DNAJC5B: variants seen among roughly 807,000 people sequenced by gnomAD.
The protein encoded by DNAJC5B is DnaJ heat shock protein family (Hsp40) member C5 beta, also known as dnaJ homolog subfamily C member 5B.
DNAJC5B carries 23 observed loss-of-function variants against 24.7 expected under a neutral mutation model. The ratio of observed to expected loss-of-function variants is 0.93; its 90% CI spans 0.67 to 1.32. The LOEUF (loss-of-function observed/expected upper bound fraction) is 1.32. DNAJC5B is among the 40% of genes most tolerant of loss of function. The pLI, the probability that DNAJC5B is intolerant of heterozygous loss-of-function variation, is 0.00. For missense variants in DNAJC5B, 238 were observed against 240.8 expected (o/e 0.99, Z 0.08); for synonymous variants, 101 against 90.1 (o/e 1.12, Z -0.68).
chr8:66,030,774 T>C (rs562042734), intron 1 of DNAJC5B, among the ~76,000 whole-genome samples: 2 of 152,284 alleles, frequency 1.3e-5, no homozygotes, highest in African/African-American at 4.8e-5. Context: ...GTAGCTGAGA[T>C]TACAGGTGCC....
intron 3 of DNAJC5B, among the ~76,000 whole-genome samples, chr8:66,059,182 T>G (rs1226149581): frequency 3.3e-5 from 5 of 152,232 alleles, no homozygotes; most frequent in African/African-American, 1.2e-4. Context: ...AGTCTAAGGC[T>G]CATTTAATCC....
intron 5 of DNAJC5B, 143 bp from the exon 6 acceptor site, chr8:66,099,794 C>G (rs954453847): frequency 3.0e-6 from 2 of 659,448 alleles, no homozygotes; most frequent in East Asian, 5.7e-5. Flanking sequence ...CTTTCGAAGT[C>G]CTTAAAATGG....
At chr8:66,077,001 C>T in intron 4 of DNAJC5B, 128 bp downstream of exon 4, 6 of 895,406 alleles carry the variant, frequency 6.7e-6, no homozygotes, top group Non-Finnish European at 1.0e-5. Context: ...GGAGATATTG[C>T]TTCCACTGAA....
chr8:66,031,184 G>A (rs1806353680), intron 1 of DNAJC5B, among the ~76,000 whole-genome samples: 1 of 152,102 alleles, frequency 6.6e-6, no homozygotes, highest in South Asian at 2.1e-4. Flanking sequence ...ACAAATAGAA[G>A]GTAGTTATCA....
At position 66,051,776 on chromosome 8, in the gene DNAJC5B, T is replaced by C. The variant is rs1423166276; in HGVS notation, c.119+110T>C. The C allele has an allele frequency of 1.2e-5, 9 of 769,122 alleles. No homozygotes were observed. The East Asian group carries it at 2.2e-4, about 19-fold the overall frequency. The allele number at this position is 769,122 out of a possible 1,614,324, so 47.6% of individuals were successfully genotyped here. A position where few individuals can be genotyped will look rare whatever the true frequency, so the allele number is the denominator to read the frequency against. Reference sequence around the variant, plus strand: ...CTCACTAAGACCAGTAATCCAAATTTTAGATCCAATGTTCCCTGCTCTACA... The same window carrying C: ...CTCACTAAGACCAGTAATCCAAATTCTAGATCCAATGTTCCCTGCTCTACA... On this transcript the variant is annotated intron_variant, in intron 3 of 5. Coordinates refer to ENST00000276570, the MANE Select transcript of DNAJC5B (RefSeq NM_033105.6).
At chr8:66,016,162 G>A in the DNAJC5B span, among the ~76,000 whole-genome samples, 1 of 152,188 alleles carries the variant, frequency 6.6e-6, no homozygotes, top group African/African-American at 2.4e-5. Context: ...TGACAGAAAA[G>A]CAAAAGAGCA....
intron 4 of DNAJC5B, among the ~76,000 whole-genome samples, chr8:66,078,372 T>G (rs769984508): frequency 6.6e-6 from 1 of 152,144 alleles, no homozygotes; most frequent in Non-Finnish European, 1.5e-5. Context: ...GTGATAAATA[T>G]GCACTACATG....
intron 3 of DNAJC5B, among the ~76,000 whole-genome samples, chr8:66,053,285 G>A (rs1806891497): frequency 6.6e-6 from 1 of 152,118 alleles, no homozygotes. Flanking sequence ...TTAAGTAGAT[G>A]AAACAACCAG....
intron 3 of DNAJC5B, among the ~76,000 whole-genome samples, chr8:66,064,824 T>C (rs557289876): frequency 2.6e-5 from 4 of 152,176 alleles, no homozygotes; most frequent in Non-Finnish European, 5.9e-5. Flanking sequence ...GCCTTATGAT[T>C]GGTGTTGGAC....
At chr8:66,065,196 G>A (rs10096043) in intron 3 of DNAJC5B, among the ~76,000 whole-genome samples, 3 of 152,198 alleles carry the variant, frequency 2.0e-5, no homozygotes, top group African/African-American at 7.2e-5. Context: ...TCTACGGTTC[G>A]TGTTGTTATC....
intron 5 of DNAJC5B, among the ~76,000 whole-genome samples, chr8:66,087,604 G>A (rs952701361): frequency 6.6e-6 from 1 of 152,188 alleles, no homozygotes; most frequent in Non-Finnish European, 1.5e-5. Flanking sequence ...TTACTTCCAA[G>A]ATACAATGGA....
the DNAJC5B span, among the ~76,000 whole-genome samples, chr8:66,015,144 C>T: frequency 7.9e-5 from 12 of 152,112 alleles, no homozygotes; most frequent in South Asian, 2.1e-4. Context: ...ATCCATTCCC[C>T]GATATCCTGG....
At chr8:66,073,427 T>C (rs922480740) in intron 3 of DNAJC5B, among the ~76,000 whole-genome samples, 3 of 152,042 alleles carry the variant, frequency 2.0e-5, no homozygotes, top group Non-Finnish European at 4.4e-5. Flanking sequence ...AATTAATCTA[T>C]AGAGTCAATG....
At chr8:66,062,344 A>C (rs2128961470) in intron 3 of DNAJC5B, among the ~76,000 whole-genome samples, 1 of 152,338 alleles carries the variant, frequency 6.6e-6, no homozygotes, top group South Asian at 2.1e-4. Flanking sequence ...ACTAGCTTCC[A>C]TCTGGGATCC....
At chr8:66,079,427 A>G (rs1807542269) in intron 4 of DNAJC5B, among the ~76,000 whole-genome samples, 1 of 152,210 alleles carries the variant, frequency 6.6e-6, no homozygotes, top group South Asian at 2.1e-4. Context: ...CTGGGGACAA[A>G]GGAGGGAGTC....
rs556303518 is a variant in DNAJC5B, at chr8:66,080,619, G to A, written c.505+71G>A. ...CTGAGCAAGCACCAGGTCCCACGGG[G>A]ACAGCTATCACTATAGTAGGAGAGC... On this transcript the variant is annotated intron_variant, in intron 5 of 5. Coordinates refer to ENST00000276570, the MANE Select transcript of DNAJC5B (RefSeq NM_033105.6). The A allele has an allele frequency of 2.5e-5, 34 of 1,366,954 alleles. No individual in the cohort carries two copies. In the Admixed American group the frequency reaches 6.1e-4, roughly 25 times the overall value. The allele number at this position is 1,366,954 out of a possible 1,614,324, so 84.7% of individuals were successfully genotyped here.
intron 1 of DNAJC5B, among the ~76,000 whole-genome samples, chr8:66,030,591 C>T (rs1806337207): frequency 6.6e-6 from 1 of 152,126 alleles, no homozygotes; most frequent in Non-Finnish European, 1.5e-5. Context: ...ATCTCCTTCT[C>T]TTCCTCCTCC....
rs1270347709 is a variant in DNAJC5B, at chr8:66,054,694, C to T, written c.119+3028C>T. Among the ~76,000 whole-genome samples, 3 of 152,186 alleles carry T rather than the reference C, an allele frequency of 2.0e-5. No individual in the cohort carries two copies. The East Asian group carries it at 5.8e-4, about 29-fold the overall frequency. On this transcript the variant is annotated intron_variant, in intron 3 of 5. Coordinates refer to ENST00000276570, the MANE Select transcript of DNAJC5B (RefSeq NM_033105.6). ...ATGAAAATGGTAGAGTCTGATAAAACTCAATATCAATCTTCTAGTTTATAT... is the reference window on the plus strand; with the variant it reads ...ATGAAAATGGTAGAGTCTGATAAAATTCAATATCAATCTTCTAGTTTATAT...
chr8:66,060,158 T>A (rs1159753454), intron 3 of DNAJC5B, among the ~76,000 whole-genome samples: 1 of 152,218 alleles, frequency 6.6e-6, no homozygotes, highest in African/African-American at 2.4e-5. Context: ...CCCAGACACA[T>A]GCTCAGGGGG....
Sources: gnomAD v4.1 joint callset for allele counts (sites outside exome capture counted in the v4.1 genomes callset) on GRCh38, gnomAD v4.1.1 for gene constraint, MANE v1.5 for transcripts, NCBI Gene and HGNC (gene_info 2026-07-23, HGNC 2026-07-21) for gene names.